Variants in IL1B observed in about 807,000 individuals in gnomAD.
IL1B encodes the protein interleukin-1 beta.
A neutral mutation model predicts 26.2 loss-of-function variants in IL1B; 11 were observed. The ratio of observed to expected loss-of-function variants is 0.42; its 90% CI spans 0.26 to 0.70. IL1B has a LOEUF of 0.70. Ranked by LOEUF, IL1B falls within the 30% of genes least tolerant of loss-of-function variation. The pLI is 0.25. For synonymous variants in IL1B, 118 were observed against 120.8 expected (o/e 0.98, Z 0.15); for missense variants, 255 against 327.5 (o/e 0.78, Z 1.71).
In IL1B at chr2:112,831,297, G is replaced by A; in HGVS notation, c.592C>T (p.Leu198=). Residue 198 remains leucine, a synonymous_variant, in exon 6 of 7, where the codon CTG becomes TTG. Transcript: ENST00000263341. ...ATTCCATAGCATTCACTTACCTCCAGCTGTAGAGTGGGCTTATCATCTTTC... is the reference window on the plus strand; with the variant it reads ...ATTCCATAGCATTCACTTACCTCCAACTGTAGAGTGGGCTTATCATCTTTC... The part of the protein sequence containing the change: ...VLKDDKPTLQ[L]ESVDPKNYPK... The A allele has an allele frequency of 6.2e-7, 1 of 1,614,004 alleles. No homozygotes were observed. The highest frequency in any genetic ancestry group is 8.5e-7 in the Non-Finnish European group (1 of 1,179,904).
intron 6 of IL1B, 98 bp downstream of exon 6, chr2:112,831,194 C>T (rs1681980811): frequency 6.8e-7 from 1 of 1,462,922 alleles, no homozygotes. Flanking sequence ...GACCTGTTCC[C>T]AGCTTTTCCT....
chr2:112,830,612 G>A (rs891183632), intron 6 of IL1B, 39 bp from the exon 7 acceptor site: 1 of 1,368,252 alleles, frequency 7.3e-7, no homozygotes, highest in South Asian at 1.2e-5. Context: ...GTGGGGCAAG[G>A]GACAAAGATG....
At chr2:112,836,501 A>G (rs1682093395) in intron 1 of IL1B, 39 of 418,650 alleles carry the variant, frequency 9.3e-5, no homozygotes, top group South Asian at 8.3e-4. Context: ...GATAAGCAGT[A>G]TCCATTCCCA....
At chr2:112,833,669 G>C in intron 3 of IL1B, 94 bp from the exon 4 acceptor site, 1 of 1,178,770 alleles carries the variant, frequency 8.5e-7, no homozygotes, top group Non-Finnish European at 1.2e-6. Context: ...GAGGAGGAAA[G>C]GGCTTGAAAG....
chr2:112,834,790 A>C (rs982057794), intron 3 of IL1B, among the ~76,000 whole-genome samples: 2 of 152,250 alleles, frequency 1.3e-5, no homozygotes, highest in Admixed American at 1.3e-4. Flanking sequence ...CTGCCTCCCA[A>C]CCTGCACAAC....
chr2:112,830,112 G>A lies in IL1B; in HGVS notation c.*249C>T. ...TTTCTGTCAGGCGGGCTTTAAGTGA[G>A]TAGGAGAGGTGAGAGAGGCCTGGCT... On this transcript the variant is annotated 3_prime_UTR_variant, in exon 7 of 7. Coordinates refer to ENST00000263341, the MANE Select transcript of IL1B (RefSeq NM_000576.3). 1 of 498,106 alleles carries A rather than the reference G, an allele frequency of 2.0e-6. No individual in the cohort carries two copies. Among genetic ancestry groups the A allele is most frequent in the Non-Finnish European group, 3.6e-6 (1 of 277,126 alleles). 30.9% of individuals were successfully genotyped at this position (498,106 alleles called of 1,614,324 possible).
intron 4 of IL1B, 188 bp downstream of exon 4, chr2:112,833,186 A>T (rs559871123): frequency 3.0e-6 from 2 of 665,104 alleles, no homozygotes; most frequent in African/African-American, 3.6e-5. Context: ...GTAGCCATCA[A>T]GATCTTCTTT....
At position 112,832,798 on chromosome 2, in the gene IL1B, G is replaced by C; in HGVS notation, c.330C>G (p.Asn110Lys). 1 of 1,614,170 alleles carries C rather than the reference G, an allele frequency of 6.2e-7. No homozygotes were observed. Among genetic ancestry groups the C allele is most frequent in the Non-Finnish European group, 8.5e-7 (1 of 1,180,018 alleles). The change falls in exon 5 of 7, where the codon AAC becomes AAG. Residue 110 changes from asparagine (N) to lysine (K), a missense_variant. Transcript: ENST00000263341. ...CAGGTGCATCGTGCACATAAGCCTC[G>C]TTATCCCATGTGTCGAAGAAGATAG... ...EEPIFFDTWDNEAYVHDAPVR... is the reference protein window; with the variant it reads ...EEPIFFDTWDKEAYVHDAPVR...
intron 5 of IL1B, among the ~76,000 whole-genome samples, chr2:112,831,858 G>A (rs965547528): frequency 3.3e-5 from 5 of 152,178 alleles, no homozygotes; most frequent in Non-Finnish European, 7.3e-5. Flanking sequence ...GTAGCCCATG[G>A]GAAGAAACTG....
At chr2:112,835,149 G>C in intron 3 of IL1B, 1 of 259,648 alleles carries the variant, frequency 3.9e-6, no homozygotes, top group South Asian at 4.8e-5. Flanking sequence ...TTCACCCCAG[G>C]TAGCAAAAAA....
chr2:112,836,332 G>A, intron 1 of IL1B, 88 bp from the exon 2 acceptor site: 1 of 918,702 alleles, frequency 1.1e-6, no homozygotes, highest in Non-Finnish European at 1.8e-6. Flanking sequence ...TGGCAGTCAT[G>A]CAAAGAAATG....
At position 112,830,320 on chromosome 2, in the gene IL1B, G is replaced by A. The variant is rs866809996; in HGVS notation, c.*41C>T. ...TCCCTTTCTGCCAGCCCTAGGGATT[G>A]AGTCCACATTCAGCACAGGACTCTC... On this transcript the variant is annotated 3_prime_UTR_variant, in exon 7 of 7. Coordinates refer to ENST00000263341, the MANE Select transcript of IL1B (RefSeq NM_000576.3). 6.5e-7 allele frequency: 1 copy of A among 1,527,402 alleles called. No individual in the cohort carries two copies. Among genetic ancestry groups the A allele is most frequent in the African/African-American group, 1.4e-5 (1 of 73,250 alleles). 94.6% of individuals were successfully genotyped at this position (1,527,402 alleles called of 1,614,324 possible).
chr2:112,834,339 T>C (rs1204960587), intron 3 of IL1B, among the ~76,000 whole-genome samples: 1 of 152,246 alleles, frequency 6.6e-6, no homozygotes, highest in Non-Finnish European at 1.5e-5. Context: ...AAGTATTCAA[T>C]TTTTCTACAC....
At position 112,833,588 on chromosome 2, in the gene IL1B, C is replaced by T. The variant is rs34701301; in HGVS notation, c.100-13G>A. 118 of 1,612,642 alleles carry T rather than the reference C, an allele frequency of 7.3e-5. No homozygotes were observed. Among genetic ancestry groups the T allele is most frequent in the South Asian group, 3.8e-4 (35 of 91,050 alleles). On this transcript the variant is annotated splice_polypyrimidine_tract_variant and intron_variant, in intron 3 of 6. Transcript: ENST00000263341. ...CCTGGAAGGAGCACTGCGGAGAGAGCGAGGGAGGGAGCCTGGTGAGGTGGT... is the reference window on the plus strand; with the variant it reads ...CCTGGAAGGAGCACTGCGGAGAGAGTGAGGGAGGGAGCCTGGTGAGGTGGT...
chr2:112,830,370 C>T lies in IL1B; in HGVS notation c.801G>A (p.Val267=). 6.2e-7 allele frequency: 1 copy of T among 1,613,974 alleles called. No individual in the cohort carries two copies. Among genetic ancestry groups the T allele is most frequent in the Non-Finnish European group, 8.5e-7 (1 of 1,179,836 alleles). ...CTGGGTACAGCTCTCTTTAGGAAGACACAAATTGCATGGTGAAGTCAGTTA... is the reference window on the plus strand; with the variant it reads ...CTGGGTACAGCTCTCTTTAGGAAGATACAAATTGCATGGTGAAGTCAGTTA... ...QDITDFTMQF[V]SS The change falls in exon 7 of 7, where the codon GTG becomes GTA. Residue 267 remains valine, a synonymous_variant. Transcript: ENST00000263341.
Position 112,829,775 on chromosome 2 carries a change from T to C in IL1B, c.*586A>G, listed in dbSNP as rs1262546552. On this transcript the variant is annotated 3_prime_UTR_variant, in exon 7 of 7. Coordinates refer to ENST00000263341, the MANE Select transcript of IL1B (RefSeq NM_000576.3). ...CTTTTTTTTTCTTCAGTGAAGTTTA[T>C]TTCAGAACCATTGAACAGTATGATA... is the stretch of plus-strand genomic sequence containing the variant. The C allele has an allele frequency of 6.5e-6, 1 of 152,778 alleles. No homozygotes were observed. The highest frequency in any genetic ancestry group is 6.5e-5 in the Admixed American group (1 of 15,364). The allele number at this position is 152,778 out of a possible 1,614,324, so 9.5% of individuals were successfully genotyped here.
Position 112,830,336 on chromosome 2 carries a change from C to A in IL1B, c.*25G>T. The A allele has an allele frequency of 6.3e-7, 1 of 1,583,958 alleles. No individual in the cohort carries two copies. The highest frequency in any genetic ancestry group is 8.7e-7 in the Non-Finnish European group (1 of 1,152,522). ...CTAGGGATTGAGTCCACATTCAGCACAGGACTCTCTGGGTACAGCTCTCTT... is the reference window on the plus strand; with the variant it reads ...CTAGGGATTGAGTCCACATTCAGCAAAGGACTCTCTGGGTACAGCTCTCTT... On this transcript the variant is annotated 3_prime_UTR_variant, in exon 7 of 7. Transcript: ENST00000263341.
intron 3 of IL1B, chr2:112,835,345 C>T: frequency 1.6e-6 from 1 of 609,432 alleles, no homozygotes; most frequent in Non-Finnish European, 3.0e-6. Flanking sequence ...CCCCTGTCAC[C>T]ACCAAGTGTG....
At chr2:112,835,250 T>C (rs2104937200) in intron 3 of IL1B, 1 of 439,632 alleles carries the variant, frequency 2.3e-6, no homozygotes, top group Non-Finnish European at 4.2e-6. Context: ...ATAGGCTGAA[T>C]CCATCTCTTA....
Sources: allele counts gnomAD v4.1 joint callset (sites outside exome capture counted in the v4.1 genomes callset), GRCh38; gene constraint gnomAD v4.1.1; transcripts MANE v1.5; gene names NCBI Gene and HGNC (gene_info 2026-07-23, HGNC 2026-07-21).